The following DUS2 variants were observed in gnomAD, a reference collection of about 807,000 sequenced individuals.
DUS2 encodes tRNA-dihydrouridine(20) synthase [NAD(P)+]-like.
In DUS2, 52 loss-of-function variants were observed where a neutral mutation model predicts 71.3. The observed-to-expected ratio is 0.73, with a 90% CI of 0.58 to 0.92. The LOEUF is 0.92. Among genes scored for constraint, DUS2 ranks in the 40% least tolerant of loss-of-function variants. DUS2 has a pLI of 0.00. For missense variants in DUS2, 558 were observed against 622.6 expected (o/e 0.90, Z 1.10); for synonymous variants, 204 against 227.8 (o/e 0.90, Z 0.94).
In DUS2 at chr16:68,066,211, T is replaced by C. The variant is rs895597300; in HGVS notation, c.418-106T>C. 9 of 1,017,892 alleles carry C rather than the reference T, an allele frequency of 8.8e-6. 1 individual carries two copies. The highest frequency in any genetic ancestry group is 2.1e-4 in the Middle Eastern group (1 of 4,878). 63.1% of individuals were successfully genotyped at this position (1,017,892 alleles called of 1,614,324 possible). On this transcript the variant is annotated intron_variant, in intron 8 of 16. Transcript: ENST00000565263. ...CACATGCATTCACACATATGCAAAC[T>C]GTTCATGCCACCGGAATGCACAGCC...
intron 10 of DUS2, among the ~76,000 whole-genome samples, chr16:68,067,121 T>TCCCCTCCCCTC (rs1598316329): frequency 2.4e-5 from 1 of 41,700 alleles, no homozygotes; most frequent in Non-Finnish European, 4.5e-5. Context: ...CTTTCCTTCC[T>TCCCCTCCCCTC]CCCCTCCCCT....
At chr16:68,069,231 A>G (rs1475509583) in intron 10 of DUS2, among the ~76,000 whole-genome samples, 1 of 152,140 alleles carries the variant, frequency 6.6e-6, no homozygotes, top group Non-Finnish European at 1.5e-5. Context: ...TCTACTAAAA[A>G]AAATACAAAA....
At chr16:68,061,804 C>T (rs555434268) in intron 8 of DUS2, among the ~76,000 whole-genome samples, 5 of 152,280 alleles carry the variant, frequency 3.3e-5, no homozygotes, top group African/African-American at 7.2e-5. Flanking sequence ...GAGGCTAGAG[C>T]GACTTGGGAC....
In DUS2 at chr16:68,030,792, C is replaced by T. The variant is rs557998374; in HGVS notation, c.-19+5298C>T. On this transcript the variant is annotated intron_variant, in intron 2 of 16. Coordinates refer to ENST00000565263, the MANE Select transcript of DUS2 (RefSeq NM_017803.5). ...TGTCACCCAGGCTGGAGTACAGTTGCACAATCATGGCTCACTGCTGCATCG... is the reference window on the plus strand; with the variant it reads ...TGTCACCCAGGCTGGAGTACAGTTGTACAATCATGGCTCACTGCTGCATCG... 6.6e-5 allele frequency among the ~76,000 whole-genome samples: 10 copies of T among 152,068 alleles called. No homozygotes were observed. The East Asian group carries it at 1.7e-3, about 27-fold the overall frequency.
At chr16:68,055,850 G>A (rs879610052) in intron 6 of DUS2, among the ~76,000 whole-genome samples, 26 of 140,860 alleles carry the variant, frequency 1.8e-4, no homozygotes, top group Non-Finnish European at 3.4e-4. Context: ...GGCAAAAACC[G>A]CAATTACTTT....
chr16:68,036,871 C>T (rs11075665), intron 2 of DUS2, among the ~76,000 whole-genome samples: 20,141 of 151,510 alleles, frequency 0.13, 1,438 homozygotes, highest in South Asian at 0.19. Context: ...AATCTTTGCT[C>T]CATTTTTTTT....
Position 68,079,073 on chromosome 16 carries a change from A to T in DUS2, c.*87A>T. ...CAGCATGAACCAGATGCCGTTGAACAGTTTGCTGGTCTTGCCTGGCAGAAG... is the reference window on the plus strand; with the variant it reads ...CAGCATGAACCAGATGCCGTTGAACTGTTTGCTGGTCTTGCCTGGCAGAAG... On this transcript the variant is annotated 3_prime_UTR_variant, in exon 17 of 17. Transcript: ENST00000565263. The T allele has an allele frequency of 8.1e-7, 1 of 1,240,100 alleles. No homozygotes were observed. The highest frequency in any genetic ancestry group is 1.1e-6 in the Non-Finnish European group (1 of 902,580). 76.8% of individuals were successfully genotyped at this position (1,240,100 alleles called of 1,614,324 possible).
At position 68,075,374 on chromosome 16, in the gene DUS2, G is replaced by A. The variant is rs1273465857; in HGVS notation, c.952G>A (p.Ala318Thr). ...CCCTAGTGAGGCCTTTGGCCTTGGT[G>A]CCTTCTATGAGGAGACCACACAGGA... ...REICEAFGLG[A>T]FYEETTQELD... Residue 318 changes from alanine (A) to threonine (T), a missense_variant, in exon 14 of 17, where the codon GCC becomes ACC. By Grantham distance (58) the Ala-to-Thr change is moderately conservative. Transcript: ENST00000565263. 6.2e-7 allele frequency: 1 copy of A among 1,609,772 alleles called. No individual in the cohort carries two copies. Among genetic ancestry groups the A allele is most frequent in the East Asian group, 2.2e-5 (1 of 44,750 alleles).
At chr16:68,033,060 C>T (rs929572866) in intron 2 of DUS2, among the ~76,000 whole-genome samples, 1 of 152,034 alleles carries the variant, frequency 6.6e-6, no homozygotes, top group African/African-American at 2.4e-5. Flanking sequence ...AGGATTTTTC[C>T]TAAAGTCAGT....
intron 4 of DUS2, among the ~76,000 whole-genome samples, chr16:68,051,626 A>G (rs144127456): frequency 1.3e-5 from 2 of 152,194 alleles, no homozygotes; most frequent in Non-Finnish European, 2.9e-5. Context: ...CCTGGCCTCA[A>G]GTGATCCCCC....
intron 2 of DUS2, among the ~76,000 whole-genome samples, chr16:68,035,616 T>C (rs2151411938): frequency 6.6e-6 from 1 of 151,600 alleles, no homozygotes; most frequent in South Asian, 2.1e-4. Flanking sequence ...TGCAAACTCC[T>C]GGCCTCAAGC....
chr16:68,076,685 G>A lies in DUS2; in HGVS notation c.1136G>A (p.Arg379Gln), dbSNP rs762449315. ...TPKMCLLEWC[R>Q]REKLAQPVYE... ...AAGATGTGCCTACTAGAGTGGTGCC[G>A]GAGGGAGAAGTTGGCACAGCCTGTG... Residue 379 changes from arginine (R) to glutamine (Q), a missense_variant, in exon 15 of 17, where the codon CGG becomes CAG. By Grantham distance (43) the Arg-to-Gln change is conservative. Coordinates refer to ENST00000565263, the MANE Select transcript of DUS2 (RefSeq NM_017803.5). 5.2e-5 allele frequency: 84 copies of A among 1,613,942 alleles called. No individual in the cohort carries two copies. Among genetic ancestry groups the A allele is most frequent in the Middle Eastern group, 1.6e-4 (1 of 6,084 alleles).
At chr16:68,060,270 A>G (rs2033920467) in intron 7 of DUS2, among the ~76,000 whole-genome samples, 1 of 152,010 alleles carries the variant, frequency 6.6e-6, no homozygotes, top group Non-Finnish European at 1.5e-5. Flanking sequence ...CCCACTCTAG[A>G]TAGATTTGTG....
Position 68,074,163 on chromosome 16 carries a change from G to A in DUS2, c.932+8G>A. The A allele has an allele frequency of 5.6e-6, 9 of 1,613,914 alleles. No individual in the cohort carries two copies. Among genetic ancestry groups the A allele is most frequent in the Non-Finnish European group, 7.6e-6 (9 of 1,179,864 alleles). On this transcript the variant is annotated splice_region_variant and intron_variant, in intron 13 of 16. Transcript: ENST00000565263. ...GTCTTCCCGGGAAATTTGGTAAGAG[G>A]CACAATAAGATGTCCATCTGTCCTT... is the stretch of plus-strand genomic sequence containing the variant.
rs750469689 is a variant in DUS2 at position 68,078,806 on chromosome 16, G to T, written c.1302G>T (p.Gln434His). The part of the protein sequence containing the change: ...QAAAIVCLRS[Q>H]GLPEGRLGEE... The stretch of plus-strand genomic sequence containing the variant: ...CAGCCATCGTCTGTCTGCGGAGCCA[G>T]GGCCTCCCTGAGGGTCGGCTGGGTG... The change falls in exon 17 of 17, where the codon CAG becomes CAT. Residue 434 changes from glutamine (Q) to histidine (H), a missense_variant. Coordinates refer to ENST00000565263, the MANE Select transcript of DUS2 (RefSeq NM_017803.5). 2 of 1,612,992 alleles carry T rather than the reference G, an allele frequency of 1.2e-6. No individual in the cohort carries two copies. The highest frequency in any genetic ancestry group is 2.2e-5 in the South Asian group (2 of 91,076).
chr16:68,070,338 C>A, intron 11 of DUS2, 118 bp downstream of exon 11: 1 of 895,128 alleles, frequency 1.1e-6, no homozygotes, highest in Non-Finnish European at 1.8e-6. Flanking sequence ...AAGGGCAGGG[C>A]TTTCCACAAG....
chr16:68,056,912 TATATA>T (rs1218431192), intron 7 of DUS2, among the ~76,000 whole-genome samples: 49 of 143,656 alleles, frequency 3.4e-4, no homozygotes, highest in Non-Finnish European at 6.9e-4. Flanking sequence ...ATATTTATTC[TATATA>T]ATATAATAAT....
intron 6 of DUS2, among the ~76,000 whole-genome samples, chr16:68,055,541 C>G (rs368655038): frequency 1.2e-3 from 186 of 152,172 alleles, no homozygotes; most frequent in Middle Eastern, 6.8e-3. Context: ...TCTGGTTTTG[C>G]TACTTGTTAA....
chr16:68,029,001 C>T (rs1413761174), intron 2 of DUS2, among the ~76,000 whole-genome samples: 1 of 152,096 alleles, frequency 6.6e-6, no homozygotes, highest in Non-Finnish European at 1.5e-5. Flanking sequence ...GAGTTGGAGA[C>T]TAGCCTGAGC....
Sources: allele counts gnomAD v4.1 joint callset (sites outside exome capture counted in the v4.1 genomes callset), GRCh38; gene constraint gnomAD v4.1.1; transcripts MANE v1.5; gene names NCBI Gene and HGNC (gene_info 2026-07-23, HGNC 2026-07-21).